Variants in KAT6B observed in about 807,000 individuals in gnomAD.
The protein encoded by KAT6B is histone acetyltransferase KAT6B.
Under a neutral mutation model 187.5 loss-of-function variants are expected in KAT6B, and 10 were observed. That is an observed-to-expected ratio of 0.05 (90% confidence interval 0.03 to 0.09). The LOEUF (loss-of-function observed/expected upper bound fraction) is 0.09. KAT6B is among the 10% of genes least tolerant of loss of function. The pLI, the probability that KAT6B is intolerant of heterozygous loss-of-function variation, is 1.00. For missense variants in KAT6B, 1,952 were observed against 2,558.9 expected, an observed-to-expected ratio of 0.76 and a Z score of 5.12; for synonymous variants, 861 against 926.8, an observed-to-expected ratio of 0.93 and a Z score of 1.29.
chr10:74,831,766 A>G (rs1013799244), intron 1 of KAT6B, among the ~76,000 whole-genome samples: 1 of 152,192 alleles, frequency 6.6e-6, no homozygotes, highest in African/African-American at 2.4e-5. Flanking sequence ...TTGTTATCTC[A>G]GTGATTCCTC....
At chr10:74,943,520 C>G (rs1036435589) in intron 3 of KAT6B, among the ~76,000 whole-genome samples, 1 of 151,836 alleles carries the variant, frequency 6.6e-6, no homozygotes, top group Admixed American at 6.6e-5. Context: ...TGAAAAAGAA[C>G]AACAAAGTTG....
intron 3 of KAT6B, among the ~76,000 whole-genome samples, chr10:74,935,153 T>G (rs1435144579): frequency 6.6e-6 from 1 of 152,230 alleles, no homozygotes; most frequent in Non-Finnish European, 1.5e-5. Context: ...TTGAAATAAT[T>G]TAAGCACTTA....
intron 3 of KAT6B, among the ~76,000 whole-genome samples, chr10:74,949,261 T>TA (rs2133379303): frequency 6.6e-6 from 1 of 152,308 alleles, no homozygotes; most frequent in South Asian, 2.1e-4. Flanking sequence ...CTTCAGAAGA[T>TA]AAATCCAATA....
chr10:74,961,952 G>A (rs1841124748), intron 4 of KAT6B, among the ~76,000 whole-genome samples: 1 of 152,174 alleles, frequency 6.6e-6, no homozygotes, highest in South Asian at 2.1e-4. Flanking sequence ...GAGAGCCAGA[G>A]GCTTTGGGGC....
chr10:74,925,165 C>T (rs929980444), intron 3 of KAT6B, among the ~76,000 whole-genome samples: 1 of 152,116 alleles, frequency 6.6e-6, no homozygotes, highest in Non-Finnish European at 1.5e-5. Flanking sequence ...CTCAGCCTCC[C>T]AATTAGCTGG....
At chr10:74,947,943 G>T (rs1840063709) in intron 3 of KAT6B, among the ~76,000 whole-genome samples, 1 of 152,282 alleles carries the variant, frequency 6.6e-6, no homozygotes, top group African/African-American at 2.4e-5. Flanking sequence ...TGCCCAGGGT[G>T]GTGCCTGGCC....
At chr10:74,927,596 G>A (rs983367431) in intron 3 of KAT6B, among the ~76,000 whole-genome samples, 14 of 151,874 alleles carry the variant, frequency 9.2e-5, no homozygotes, top group African/African-American at 3.4e-4. Context: ...GTGGGAAATG[G>A]GGCAGCCTCA....
At chr10:74,986,943 G>C (rs1842845739) in intron 12 of KAT6B, among the ~76,000 whole-genome samples, 1 of 150,520 alleles carries the variant, frequency 6.6e-6, no homozygotes, top group African/African-American at 2.4e-5. Context: ...GTGTAGAGTT[G>C]GTGGTGATTC....
At chr10:74,978,763 T>A (rs1432437998) in intron 9 of KAT6B, among the ~76,000 whole-genome samples, 1 of 152,226 alleles carries the variant, frequency 6.6e-6, no homozygotes, top group Non-Finnish European at 1.5e-5. Flanking sequence ...ATTATTTAAT[T>A]ACAGTTGTGA....
intron 3 of KAT6B, among the ~76,000 whole-genome samples, chr10:74,913,951 T>G (rs1369602845): frequency 6.6e-6 from 1 of 151,988 alleles, no homozygotes; most frequent in African/African-American, 2.4e-5. Flanking sequence ...TTTGGGAGGG[T>G]GAGGCAGGCG....
At chr10:74,944,633 C>A (rs554908155) in intron 3 of KAT6B, among the ~76,000 whole-genome samples, 29 of 151,910 alleles carry the variant, frequency 1.9e-4, no homozygotes, top group Admixed American at 5.9e-4. Flanking sequence ...AACGGTGAAA[C>A]CCCGTCTCTA....
intron 6 of KAT6B, among the ~76,000 whole-genome samples, chr10:74,971,037 C>CGT (rs1169413345): frequency 6.6e-6 from 1 of 152,104 alleles, no homozygotes; most frequent in African/African-American, 2.4e-5. Context: ...CTGGGTGGTG[C>CGT]GTGTGTGCTC....
At chr10:74,852,637 G>A (rs1213954879) in intron 3 of KAT6B, among the ~76,000 whole-genome samples, 1 of 152,228 alleles carries the variant, frequency 6.6e-6, no homozygotes, top group African/African-American at 2.4e-5. Context: ...AGGCATGACA[G>A]CGTGTTCCAC....
chr10:74,946,798 T>C lies in KAT6B; in HGVS notation c.622-13172T>C, dbSNP rs2133356712. 1.3e-5 allele frequency among the ~76,000 whole-genome samples: 2 copies of C among 152,286 alleles called. 1 individual carries two copies. Among genetic ancestry groups the C allele is most frequent in the South Asian group, 4.1e-4 (2 of 4,824 alleles). On this transcript the variant is annotated intron_variant, in intron 3 of 17. Coordinates refer to ENST00000287239, the MANE Select transcript of KAT6B (RefSeq NM_012330.4). ...GGTTATGGAGTGGTCTGTATTTTGA[T>C]AGGGGTGTGGGTTACCAGTGTATGC...
intron 3 of KAT6B, among the ~76,000 whole-genome samples, chr10:74,845,309 C>A (rs1464453617): frequency 6.6e-6 from 1 of 151,866 alleles, no homozygotes; most frequent in Non-Finnish European, 1.5e-5. Flanking sequence ...GGGCCAATTG[C>A]CTGAGTTTGA....
At chr10:74,969,825 T>C in intron 5 of KAT6B, 50 bp downstream of exon 5, 1 of 1,332,798 alleles carries the variant, frequency 7.5e-7, no homozygotes, top group South Asian at 1.2e-5. Flanking sequence ...TAATTTCCAG[T>C]GTTAAGGTGT....
chr10:75,018,615 CAT>C (rs1262878838), intron 13 of KAT6B, among the ~76,000 whole-genome samples: 1 of 152,132 alleles, frequency 6.6e-6, no homozygotes, highest in African/African-American at 2.4e-5. Flanking sequence ...CAAAGGAACA[CAT>C]GTGCTTCTGG....
chr10:74,830,270 T>C (rs1451554447), intron 1 of KAT6B, among the ~76,000 whole-genome samples: 1 of 152,148 alleles, frequency 6.6e-6, no homozygotes, highest in African/African-American at 2.4e-5. Context: ...AATTTTCGTA[T>C]CATCTATTCC....
intron 3 of KAT6B, among the ~76,000 whole-genome samples, chr10:74,919,622 T>G (rs1564564276): frequency 6.6e-6 from 1 of 152,126 alleles, no homozygotes; most frequent in Non-Finnish European, 1.5e-5. Flanking sequence ...AGGCTGGTCT[T>G]GAACTCCTGA....
Sources: allele counts gnomAD v4.1 joint callset (sites outside exome capture counted in the v4.1 genomes callset), GRCh38; gene constraint gnomAD v4.1.1; transcripts MANE v1.5; gene names NCBI Gene and HGNC (gene_info 2026-07-23, HGNC 2026-07-21).